The following SPATA31D1 variants were observed in gnomAD, a reference collection of about 807,000 sequenced individuals.
The protein encoded by SPATA31D1 is SPATA31 subfamily D member 1, also known as spermatogenesis-associated protein 31D1.
SPATA31D1 carries 6 observed loss-of-function variants against 13.2 expected under a neutral mutation model. That is an observed-to-expected ratio of 0.46 (90% CI 0.25 to 0.90). The LOEUF is 0.90. Ranked by LOEUF, SPATA31D1 falls within the 40% of genes least tolerant of loss-of-function variation. The pLI is 0.18. For missense variants in SPATA31D1, 2,445 were observed against 1,884.7 expected (o/e 1.30, Z -5.50); for synonymous variants, 903 against 718.8 (o/e 1.26, Z -4.10).
chr9:81,994,441 A>T lies in SPATA31D1; in HGVS notation c.3971A>T (p.His1324Leu), dbSNP rs369735296. 6.2e-7 allele frequency: 1 copy of T among 1,613,670 alleles called. No individual in the cohort carries two copies. Among genetic ancestry groups the T allele is most frequent in the Non-Finnish European group, 8.5e-7 (1 of 1,179,726 alleles). Residue 1324 changes from histidine to leucine, a missense_variant, in exon 4 of 4, where the codon CAT becomes CTT. Transcript: ENST00000344803. ...SQRRRKSLPV[H>L]NKTSGEVLGS... ...CGCAGGAGAAAGAGCCTCCCTGTTC[A>T]TAACAAGACATCAGGGGAGGTGCTT...
In SPATA31D1 at chr9:81,993,307, C is replaced by T. The variant is rs1825018433; in HGVS notation, c.2837C>T (p.Ser946Phe). 1.2e-6 allele frequency: 2 copies of T among 1,614,020 alleles called. No homozygotes were observed. The highest frequency in any genetic ancestry group is 4.5e-5 in the East Asian group (2 of 44,850). ...TCCTTTTCCCATTTCGACCTTCCCT[C>T]CTCAGCCACCTTCATCTCTCAGGGA... Reference protein sequence around the residue: ...STSFSHFDLPSSATFISQGDS... With the variant: ...STSFSHFDLPFSATFISQGDS... Residue 946 changes from serine (S) to phenylalanine (F), a missense_variant, in exon 4 of 4, where the codon TCC becomes TTC. Physicochemically the swap from Ser to Phe is radical, Grantham distance 155. Coordinates refer to ENST00000344803, the MANE Select transcript of SPATA31D1 (RefSeq NM_001001670.3).
chr9:81,990,757 C>G lies in SPATA31D1; in HGVS notation c.303-16C>G. On this transcript the variant is annotated splice_polypyrimidine_tract_variant and intron_variant, in intron 3 of 3. Transcript: ENST00000344803. ...GGCTAACAAATCTCCTTTCCTTGTTCTGGTCCTGACTGCAGCTTTGGACCT... is the reference window on the plus strand; with the variant it reads ...GGCTAACAAATCTCCTTTCCTTGTTGTGGTCCTGACTGCAGCTTTGGACCT... The G allele has an allele frequency of 6.3e-7, 1 of 1,592,188 alleles. No homozygotes were observed.
Position 81,995,143 on chromosome 9 carries a change from C to G in SPATA31D1, c.4673C>G (p.Thr1558Ser), listed in dbSNP as rs1163343853. ...SPVFSDVPFL[T>S]GQKMLPKHLQ... ...GTGTTTAGTGATGTGCCTTTCCTAA[C>G]TGGACAGAAAATGCTTCCAAAGCAT... The change falls in exon 4 of 4, where the codon ACT (threonine) becomes AGT (serine). Residue 1558 changes from threonine to serine, a missense_variant. Coordinates refer to ENST00000344803, the MANE Select transcript of SPATA31D1 (RefSeq NM_001001670.3). The G allele has an allele frequency of 7.5e-6, 12 of 1,591,848 alleles. No homozygotes were observed. The highest frequency in any genetic ancestry group is 1.0e-5 in the Non-Finnish European group (12 of 1,168,382).
At position 81,994,369 on chromosome 9, in the gene SPATA31D1, A is replaced by G. The variant is rs1825050175; in HGVS notation, c.3899A>G (p.Lys1300Arg). The change falls in exon 4 of 4, where the codon AAA becomes AGA. Residue 1300 changes from lysine (K) to arginine (R), a missense_variant. Physicochemically the swap from Lys to Arg is conservative, Grantham distance 26 (BLOSUM62 2). Coordinates refer to ENST00000344803, the MANE Select transcript of SPATA31D1 (RefSeq NM_001001670.3). ...AVNRVSPVRP[K>R]GGELDGGDAG... ...AACAGAGTGAGTCCTGTGAGACCCA[A>G]AGGAGGAGAGCTTGATGGAGGGGAT... 1.2e-6 allele frequency: 2 copies of G among 1,613,832 alleles called. No individual in the cohort carries two copies. The highest frequency in any genetic ancestry group is 1.7e-5 in the Admixed American group (1 of 59,994).
In SPATA31D1 at chr9:81,991,505, C is replaced by A; in HGVS notation, c.1035C>A (p.Gly345=). The change falls in exon 4 of 4, where the codon GGC becomes GGA. Residue 345 remains glycine (G), a synonymous_variant. Coordinates refer to ENST00000344803, the MANE Select transcript of SPATA31D1 (RefSeq NM_001001670.3). ...GSSTSAPTIK[G]IDHSHLASSE... The stretch of plus-strand genomic sequence containing the variant: ...CCACCTCTGCCCCAACAATCAAAGG[C>A]ATTGACCATTCACACCTTGCATCTT... The A allele has an allele frequency of 6.2e-7, 1 of 1,614,048 alleles. No individual in the cohort carries two copies. The highest frequency in any genetic ancestry group is 2.2e-5 in the East Asian group (1 of 44,876).
chr9:81,993,072 C>A lies in SPATA31D1; in HGVS notation c.2602C>A (p.His868Asn). 1 of 1,613,770 alleles carries A rather than the reference C, an allele frequency of 6.2e-7. No homozygotes were observed. Among genetic ancestry groups the A allele is most frequent in the Non-Finnish European group, 8.5e-7 (1 of 1,179,734 alleles). Residue 868 changes from histidine to asparagine, a missense_variant, in exon 4 of 4, where the codon CAC (histidine) becomes AAC (asparagine). Coordinates refer to ENST00000344803, the MANE Select transcript of SPATA31D1 (RefSeq NM_001001670.3). ...KQTMSLPEKS[H>N]SQIKHRNLVT... ...GACAATGTCTCTTCCTGAGAAATCC[C>A]ACAGCCAAATTAAACATCGAAATCT...
intron 3 of SPATA31D1, 134 bp downstream of exon 3, chr9:81,990,620 G>T (rs972320408): frequency 7.6e-7 from 1 of 1,321,492 alleles, no homozygotes; most frequent in African/African-American, 1.5e-5. Context: ...GTATGTGAAT[G>T]AATGTGTTGG....
Position 81,993,282 on chromosome 9 carries a change from TC to T in SPATA31D1, c.2814del (p.Ser940ProfsTer62). On this transcript the variant is annotated frameshift_variant, in exon 4 of 4. Coordinates refer to ENST00000344803, the MANE Select transcript of SPATA31D1 (RefSeq NM_001001670.3). LOFTEE classifies it low-confidence loss of function (END_TRUNC). ...CAAATCGAAAGCGGACCTTTCCACT[TC>T]CTTTTCCCATTTCGACCTTCCCTCC... ...IFKSKADLST[S>X]FSHFDLPSSA... 6.2e-7 allele frequency: 1 copy of T among 1,613,972 alleles called. No homozygotes were observed. The highest frequency in any genetic ancestry group is 8.5e-7 in the Non-Finnish European group (1 of 1,179,880).
chr9:81,990,789 T>G lies in SPATA31D1; in HGVS notation c.319T>G (p.Ser107Ala). The change falls in exon 4 of 4, where the codon TCC becomes GCC. Residue 107 changes from serine to alanine, a missense_variant. Coordinates refer to ENST00000344803, the MANE Select transcript of SPATA31D1 (RefSeq NM_001001670.3). ...TGACTGCAGCTTTGGACCTCCTGTT[T>G]CCTGCAGTCCTCGGGGCCAGCATCA... The part of the protein sequence containing the change: ...SLLKSFGPPV[S>A]CSPRGQHHDT... The G allele has an allele frequency of 6.2e-7, 1 of 1,611,406 alleles. No homozygotes were observed. The highest frequency in any genetic ancestry group is 8.5e-7 in the Non-Finnish European group (1 of 1,178,698).
rs1824978662 is a variant in SPATA31D1, at chr9:81,992,019, C to T, written c.1549C>T (p.Pro517Ser). The T allele has an allele frequency of 6.2e-7, 1 of 1,613,844 alleles. No homozygotes were observed. The highest frequency in any genetic ancestry group is 8.5e-7 in the Non-Finnish European group (1 of 1,179,740). The stretch of plus-strand genomic sequence containing the variant: ...ATCTTTGCACAGCGAGTCTCTGCAT[C>T]CTACTGTTCTTGTCCAACGTGGCCA... ...LPSLHSESLH[P>S]TVLVQRGHSS... The change falls in exon 4 of 4, where the codon CCT becomes TCT. Residue 517 changes from proline (P) to serine (S), a missense_variant. Pro to Ser is a moderately conservative substitution (Grantham distance 74). Transcript: ENST00000344803.
In SPATA31D1 at chr9:81,990,476, C is replaced by T. The variant is rs374669926; in HGVS notation, c.292C>T (p.Leu98Phe). 2 of 1,605,696 alleles carry T rather than the reference C, an allele frequency of 1.2e-6. No homozygotes were observed. Among genetic ancestry groups the T allele is most frequent in the East Asian group, 2.2e-5 (1 of 44,740 alleles). Reference sequence around the variant, plus strand: ...GGAAGAGGAAAGGAAGCTGCTTTCTCTTCTGAAAAGGTGATTAATCTTTCC... The same window carrying T: ...GGAAGAGGAAAGGAAGCTGCTTTCTTTTCTGAAAAGGTGATTAATCTTTCC... ...EEEEERKLLS[L>F]LKSFGPPVSC... Residue 98 changes from leucine to phenylalanine, a missense_variant, in exon 3 of 4, where the codon CTT becomes TTT. Transcript: ENST00000344803.
rs374288626 is a variant in SPATA31D1, at chr9:81,994,753, C to G, written c.4283C>G (p.Pro1428Arg). ...GHRHGIDITC[P>R]QEPLSFPVGL... ...AGGCATGGGATAGATATCACCTGTC[C>G]CCAAGAGCCCCTTTCCTTCCCAGTG... The change falls in exon 4 of 4, where the codon CCC becomes CGC. Residue 1428 changes from proline to arginine, a missense_variant. Transcript: ENST00000344803. 52 of 1,613,766 alleles carry G rather than the reference C, an allele frequency of 3.2e-5. No individual in the cohort carries two copies. The highest frequency in any genetic ancestry group is 4.4e-5 in the Non-Finnish European group (52 of 1,179,870).
In SPATA31D1 at chr9:81,994,730, G is replaced by C. The variant is rs1202033724; in HGVS notation, c.4260G>C (p.Arg1420Ser). 5 of 1,613,898 alleles carry C rather than the reference G, an allele frequency of 3.1e-6. No homozygotes were observed. In the East Asian group the frequency reaches 6.7e-5, roughly 22 times the overall value. Reference sequence around the variant, plus strand: ...TCCTAGAAGAGAAGCTGGGGCATAGGCATGGGATAGATATCACCTGTCCCC... The same window carrying C: ...TCCTAGAAGAGAAGCTGGGGCATAGCCATGGGATAGATATCACCTGTCCCC... ...REFLEEKLGH[R>S]HGIDITCPQE... Residue 1420 changes from arginine to serine, a missense_variant, in exon 4 of 4, where the codon AGG becomes AGC. Coordinates refer to ENST00000344803, the MANE Select transcript of SPATA31D1 (RefSeq NM_001001670.3).
In SPATA31D1 at chr9:81,995,060, T is replaced by A. The variant is rs751368930; in HGVS notation, c.4590T>A (p.Thr1530=). The A allele has an allele frequency of 1.9e-6, 3 of 1,613,482 alleles. No individual in the cohort carries two copies. The African/African-American group carries it at 4.0e-5, about 22-fold the overall frequency. ...AGCCTGTGCCACATCCAAACCCCAC[T>A]TGCCGGCGTCAGGTCAGCCTGGTGT... The part of the protein sequence containing the change: ...HRKPVPHPNP[T]CRRQVSLVCP... The change falls in exon 4 of 4, where the codon ACT becomes ACA. Residue 1530 remains threonine, a synonymous_variant. Coordinates refer to ENST00000344803, the MANE Select transcript of SPATA31D1 (RefSeq NM_001001670.3).
chr9:81,994,016 T>G lies in SPATA31D1; in HGVS notation c.3546T>G (p.Thr1182=), dbSNP rs1479700469. The G allele has an allele frequency of 6.2e-7, 1 of 1,613,664 alleles. No homozygotes were observed. Among genetic ancestry groups the G allele is most frequent in the Non-Finnish European group, 8.5e-7 (1 of 1,179,750 alleles). ...TNVKASTSNE[T]EIFPPRISVP... Reference sequence around the variant, plus strand: ...TGAAAGCAAGCACTTCCAATGAAACTGAAATTTTCCCACCAAGAATATCAG... The same window carrying G: ...TGAAAGCAAGCACTTCCAATGAAACGGAAATTTTCCCACCAAGAATATCAG... The change falls in exon 4 of 4, where the codon ACT becomes ACG. Residue 1182 remains threonine, a synonymous_variant. Transcript: ENST00000344803.
rs772105230 is a variant in SPATA31D1 at position 81,991,372 on chromosome 9, C to T, written c.902C>T (p.Pro301Leu). The change falls in exon 4 of 4, where the codon CCA becomes CTA. Residue 301 changes from proline (P) to leucine (L), a missense_variant. Physicochemically the swap from Pro to Leu is moderately conservative, Grantham distance 98. Coordinates refer to ENST00000344803, the MANE Select transcript of SPATA31D1 (RefSeq NM_001001670.3). ...SCARHHGPPI[P>L]SALPPEDCTV... is the part of the protein sequence containing the mutation. ...GCTCGTCATCACGGACCACCAATCC[C>T]ATCTGCTTTACCACCGGAAGATTGC... 3 of 1,614,000 alleles carry T rather than the reference C, an allele frequency of 1.9e-6. No individual in the cohort carries two copies. The highest frequency in any genetic ancestry group is 1.3e-5 in the African/African-American group (1 of 75,050).
In SPATA31D1 at chr9:81,989,923, G is replaced by A. The variant is rs1165543967; in HGVS notation, c.232+100G>A. ...TTTCTTAGAATGTCAGTTACTAGATGCAGTCTTAGAAAACAGAGCCCTCAG... is the reference window on the plus strand; with the variant it reads ...TTTCTTAGAATGTCAGTTACTAGATACAGTCTTAGAAAACAGAGCCCTCAG... On this transcript the variant is annotated intron_variant, in intron 2 of 3. Transcript: ENST00000344803. The A allele has an allele frequency of 4.7e-5, 65 of 1,378,170 alleles. No homozygotes were observed. In the East Asian group the frequency reaches 1.4e-3, roughly 30 times the overall value. The allele number at this position is 1,378,170 out of a possible 1,614,324, so 85.4% of individuals were successfully genotyped here.
Position 81,995,079 on chromosome 9 carries a change from C to G in SPATA31D1, c.4609C>G (p.Leu1537Val), listed in dbSNP as rs1825071386. 6.2e-7 allele frequency: 1 copy of G among 1,612,794 alleles called. No homozygotes were observed. The highest frequency in any genetic ancestry group is 8.5e-7 in the Non-Finnish European group (1 of 1,179,326). Residue 1537 changes from leucine to valine, a missense_variant, in exon 4 of 4, where the codon CTG becomes GTG. Physicochemically the swap from Leu to Val is conservative, Grantham distance 32. Transcript: ENST00000344803. ...PNPTCRRQVS[L>V]VCPAVPTSAK... ...CCCCACTTGCCGGCGTCAGGTCAGCCTGGTGTGTCCAGCCGTCCCAACCAG... is the reference window on the plus strand; with the variant it reads ...CCCCACTTGCCGGCGTCAGGTCAGCGTGGTGTGTCCAGCCGTCCCAACCAG...
Position 81,990,393 on chromosome 9 carries a change from C to T in SPATA31D1, c.233-24C>T, listed in dbSNP as rs756402395. 3 of 1,568,868 alleles carry T rather than the reference C, an allele frequency of 1.9e-6. No homozygotes were observed. The South Asian group carries it at 3.5e-5, about 18-fold the overall frequency. Reference sequence around the variant, plus strand: ...TGTATGAGCCGTGTGCCTCTATCTTCATTGCATATAACATACTATTCAGGT... The same window carrying T: ...TGTATGAGCCGTGTGCCTCTATCTTTATTGCATATAACATACTATTCAGGT... On this transcript the variant is annotated intron_variant, in intron 2 of 3. Coordinates refer to ENST00000344803, the MANE Select transcript of SPATA31D1 (RefSeq NM_001001670.3).
Sources: gnomAD v4.1 joint callset for allele counts on GRCh38, gnomAD v4.1.1 for gene constraint, MANE v1.5 for transcripts, NCBI Gene and HGNC (gene_info 2026-07-23, HGNC 2026-07-21) for gene names.